The following ULK4 variants were observed in gnomAD, a reference collection of about 807,000 sequenced individuals.
ULK4 encodes inactive serine/threonine-protein kinase ULK4.
A neutral mutation model predicts 160.6 loss-of-function variants in ULK4; 133 were observed. The observed-to-expected ratio is 0.83, with a 90% CI of 0.72 to 0.96. The LOEUF is 0.96. Among genes scored for constraint, ULK4 ranks in the 40% least tolerant of loss-of-function variants. The pLI is 0.00. For synonymous variants in ULK4, 534 were observed against 539.8 expected (o/e 0.99, Z 0.15); for missense variants, 1,580 against 1,499.5 (o/e 1.05, Z -0.89).
chr3:41,823,659 T>C (rs1418729293), intron 18 of ULK4, among the ~76,000 whole-genome samples: 3 of 152,180 alleles, frequency 2.0e-5, no homozygotes, highest in Admixed American at 2.0e-4. Flanking sequence ...TTCAGCTCAG[T>C]ACCAACAGGT....
chr3:41,570,887 C>A (rs1373423623), intron 31 of ULK4, among the ~76,000 whole-genome samples: 1 of 152,156 alleles, frequency 6.6e-6, no homozygotes, highest in African/African-American at 2.4e-5. Flanking sequence ...CCCCACTACT[C>A]AATCTGCAGA....
At chr3:41,840,587 G>T (rs2041885101) in intron 17 of ULK4, among the ~76,000 whole-genome samples, 1 of 152,248 alleles carries the variant, frequency 6.6e-6, no homozygotes, top group South Asian at 2.1e-4. Context: ...TGTTGACCAG[G>T]CTGGTCTCCG....
chr3:41,582,684 A>G (rs1462554082), intron 31 of ULK4, among the ~76,000 whole-genome samples: 3 of 152,242 alleles, frequency 2.0e-5, no homozygotes, highest in African/African-American at 7.2e-5. Context: ...CTCTGGTTGG[A>G]AAGGCCAGCA....
intron 35 of ULK4, chr3:41,250,899 T>C (rs1575353159): frequency 6.6e-6 from 1 of 152,254 alleles, no homozygotes; most frequent in South Asian, 2.1e-4. Context: ...AGTTCAATTA[T>C]GTCTGAAGTA....
chr3:41,336,706 C>T (rs2080565178), intron 35 of ULK4, among the ~76,000 whole-genome samples: 1 of 152,160 alleles, frequency 6.6e-6, no homozygotes, highest in South Asian at 2.1e-4. Flanking sequence ...GATAGGTCTC[C>T]AGCATTTCCA....
At chr3:41,587,045 A>G (rs910701687) in intron 31 of ULK4, among the ~76,000 whole-genome samples, 1 of 152,186 alleles carries the variant, frequency 6.6e-6, no homozygotes, top group African/African-American at 2.4e-5. Flanking sequence ...TCAAAGTGTC[A>G]GCTAGGCAGC....
intron 17 of ULK4, among the ~76,000 whole-genome samples, chr3:41,844,218 G>A (rs1316917042): frequency 6.6e-6 from 1 of 152,136 alleles, no homozygotes; most frequent in African/African-American, 2.4e-5. Flanking sequence ...ATGGAGCAGG[G>A]GGCGGCGCTC....
chr3:41,664,073 C>T (rs1021852904), intron 29 of ULK4, among the ~76,000 whole-genome samples: 21 of 152,322 alleles, frequency 1.4e-4, no homozygotes, highest in Non-Finnish European at 2.6e-4. Context: ...TACTTAACCT[C>T]ATGAAGTCTG....
In ULK4 at chr3:41,259,358, T is replaced by A. The variant is rs903453165; in HGVS notation, c.3679-9784A>T. ...AGTTTGGGTTGGCTCTTCTCTGGAT[T>A]TCAGCTTCCCCAAATACAAACTAGC... is the stretch of plus-strand genomic sequence containing the variant. On this transcript the variant is annotated intron_variant, in intron 35 of 36. Coordinates refer to ENST00000301831, the MANE Select transcript of ULK4 (RefSeq NM_017886.4). Among the ~76,000 whole-genome samples, 71 of 152,160 alleles carry A rather than the reference T, an allele frequency of 4.7e-4. 2 individuals are homozygous for A. Among genetic ancestry groups the A allele is most frequent in the Admixed American group, 1.3e-4 (2 of 15,272 alleles).
intron 32 of ULK4, among the ~76,000 whole-genome samples, chr3:41,545,037 G>A (rs2086811635): frequency 6.6e-6 from 1 of 152,140 alleles, no homozygotes; most frequent in African/African-American, 2.4e-5. Context: ...TGGTAACTTG[G>A]TAATTTACGG....
intron 16 of ULK4, among the ~76,000 whole-genome samples, chr3:41,884,751 G>T (rs997662116): frequency 6.6e-6 from 1 of 151,976 alleles, no homozygotes; most frequent in African/African-American, 2.4e-5. Context: ...AGTACTACAG[G>T]GAAAATGTCT....
At chr3:41,795,038 C>T (rs1009647212) in intron 20 of ULK4, among the ~76,000 whole-genome samples, 1 of 152,132 alleles carries the variant, frequency 6.6e-6, no homozygotes, top group Non-Finnish European at 1.5e-5. Flanking sequence ...GAATTCTGAC[C>T]TGTATCATCA....
In ULK4 at chr3:41,717,755, T is replaced by C; in HGVS notation, c.2428A>G (p.Ile810Val). 1.2e-6 allele frequency: 2 copies of C among 1,614,046 alleles called. No individual in the cohort carries two copies. Among genetic ancestry groups the C allele is most frequent in the Non-Finnish European group, 8.5e-7 (1 of 1,179,964 alleles). The change falls in exon 23 of 37, where the codon ATT becomes GTT. Residue 810 changes from isoleucine to valine, a missense_variant. Physicochemically the swap from Ile to Val is conservative, Grantham distance 29 (BLOSUM62 3). Coordinates refer to ENST00000301831, the MANE Select transcript of ULK4 (RefSeq NM_017886.4). ...SKCLDLLICH[I>V]VQELPRILGD... ...AGGATTCGTGGCAGCTCCTGCACAA[T>C]GTGACAGATGAGAAGATCCAGGCAT...
chr3:41,489,157 G>A (rs1423951830), intron 32 of ULK4, among the ~76,000 whole-genome samples: 1 of 151,984 alleles, frequency 6.6e-6, no homozygotes, highest in African/African-American at 2.4e-5. Flanking sequence ...TTCAACTAGT[G>A]CTCCCTGAAA....
intron 17 of ULK4, among the ~76,000 whole-genome samples, chr3:41,848,661 G>A (rs192797628): frequency 2.0e-5 from 3 of 152,258 alleles, no homozygotes; most frequent in Admixed American, 6.5e-5. Flanking sequence ...AACAGCTGAC[G>A]TTCACTTTTT....
chr3:41,706,898 T>TAG (rs1308593092), intron 25 of ULK4, among the ~76,000 whole-genome samples: 134 of 126,878 alleles, frequency 1.1e-3, no homozygotes, highest in African/African-American at 2.8e-3. Flanking sequence ...TGTATATATA[T>TAG]ATAGAGAGAG....
At chr3:41,508,086 T>C (rs1344698692) in intron 32 of ULK4, among the ~76,000 whole-genome samples, 2 of 152,188 alleles carry the variant, frequency 1.3e-5, no homozygotes, top group African/African-American at 4.8e-5. Context: ...TCGGTGCCGC[T>C]GGGGAGCACA....
intron 19 of ULK4, among the ~76,000 whole-genome samples, chr3:41,814,055 A>C (rs2040894216): frequency 6.6e-6 from 1 of 152,134 alleles, no homozygotes; most frequent in Admixed American, 6.5e-5. Flanking sequence ...CAGCACACAC[A>C]ATGTAGCATT....
intron 35 of ULK4, among the ~76,000 whole-genome samples, chr3:41,267,038 CTTTT>C (rs57502036): frequency 1.0e-5 from 1 of 100,446 alleles, no homozygotes; most frequent in Non-Finnish European, 2.1e-5. Flanking sequence ...GGGTTTAAGG[CTTTT>C]TTTTTTTTTG....
Sources: gnomAD v4.1 joint callset for allele counts (sites outside exome capture counted in the v4.1 genomes callset) on GRCh38, gnomAD v4.1.1 for gene constraint, MANE v1.5 for transcripts, NCBI Gene and HGNC (gene_info 2026-07-23, HGNC 2026-07-21) for gene names.